Variants in TMEM39B observed in about 807,000 individuals in gnomAD.
The protein encoded by TMEM39B is transmembrane protein 39B.
TMEM39B carries 23 observed loss-of-function variants against 52.2 expected under a neutral mutation model. That is an observed-to-expected ratio of 0.44 (90% CI 0.32 to 0.62). The LOEUF (loss-of-function observed/expected upper bound fraction) is 0.62, where lower values mean the gene tolerates loss of function less well. Ranked by LOEUF, TMEM39B falls within the 20% of genes least tolerant of loss-of-function variation. The probability of loss-of-function intolerance (pLI) is 0.06; values close to 1 mark genes in which losing one functional copy is unlikely to be tolerated. For missense variants in TMEM39B, 547 were observed against 642.0 expected (o/e 0.85, Z 1.60); for synonymous variants, 285 against 264.0 (o/e 1.08, Z -0.77).
At chr1:32,079,862 C>T (rs569680743) in intron 5 of TMEM39B, among the ~76,000 whole-genome samples, 4 of 151,952 alleles carry the variant, frequency 2.6e-5, no homozygotes, top group African/African-American at 4.8e-5. Context: ...CTCCAACTCC[C>T]GGGTTCAAGC....
In TMEM39B at chr1:32,091,793, G is replaced by A. The variant is rs141157829; in HGVS notation, c.709G>A (p.Asp237Asn). ...GGTCAGTGGCCTGGCAAAGAGCCGG[G>A]ACTACCTCCTGACACTGCGGGAGAC... ...EAVSGLAKSRDYLLTLRETWK... is the reference protein window; with the variant it reads ...EAVSGLAKSRNYLLTLRETWK... Residue 237 changes from aspartate to asparagine, a missense_variant, in exon 6 of 9, where the codon GAC becomes AAC. Coordinates refer to ENST00000336294, the MANE Select transcript of TMEM39B (RefSeq NM_018056.4). The A allele has an allele frequency of 1.2e-6, 2 of 1,614,220 alleles. No homozygotes were observed. The highest frequency in any genetic ancestry group is 1.7e-6 in the Non-Finnish European group (2 of 1,180,046).
chr1:32,094,860 T>C lies in TMEM39B; in HGVS notation c.1004T>C (p.Met335Thr), dbSNP rs780508458. 21 of 1,614,204 alleles carry C rather than the reference T, an allele frequency of 1.3e-5. No individual in the cohort carries two copies. The highest frequency in any genetic ancestry group is 1.7e-5 in the Non-Finnish European group (20 of 1,180,034). The change falls in exon 7 of 9, where the codon ATG becomes ACG. Residue 335 changes from methionine (M) to threonine (T), a missense_variant. By Grantham distance (81) the Met-to-Thr change is moderately conservative (BLOSUM62 -1). Transcript: ENST00000336294. ...TCCATCAGCACCTCCGTGATCCTCA[T>C]GCAGCACCTGCTGCCTGCCAGCTAC... The part of the protein sequence containing the change: ...LVSISTSVIL[M>T]QHLLPASYCD...
intron 7 of TMEM39B, among the ~76,000 whole-genome samples, chr1:32,097,670 AGTCTCGCTCT>A (rs1338796687): frequency 1.3e-5 from 2 of 150,238 alleles, no homozygotes; most frequent in Non-Finnish European, 3.0e-5. Context: ...TTTGAGATGG[AGTCTCGCTCT>A]GTCGCCCAGG....
intron 8 of TMEM39B, among the ~76,000 whole-genome samples, chr1:32,102,106 T>G (rs144753874): frequency 2.0e-5 from 3 of 152,300 alleles, no homozygotes; most frequent in African/African-American, 7.2e-5. Flanking sequence ...AAAAAAAATT[T>G]TTTTAAAGGT....
chr1:32,075,504 GC>G lies in TMEM39B; in HGVS notation c.132-98del. The G allele has an allele frequency of 3.2e-6, 4 of 1,269,658 alleles. No homozygotes were observed. In the South Asian group the frequency reaches 5.8e-5, roughly 18 times the overall value. 78.6% of individuals were successfully genotyped at this position (1,269,658 alleles called of 1,614,324 possible). ...TAGGAAGACCCCGTCCTTGCTATGAGCTGCTTTTCTGATCTTATCCCACAAT... is the reference window on the plus strand; with the variant it reads ...TAGGAAGACCCCGTCCTTGCTATGAGTGCTTTTCTGATCTTATCCCACAAT... On this transcript the variant is annotated intron_variant, in intron 2 of 8. Transcript: ENST00000336294.
At chr1:32,092,047 C>G (rs1421146832) in intron 6 of TMEM39B, 36 bp downstream of exon 6, 1 of 1,586,208 alleles carries the variant, frequency 6.3e-7, no homozygotes, top group South Asian at 1.1e-5. Flanking sequence ...AAGGGACTAG[C>G]TGGGACTTTA....
rs753871316 is a variant in TMEM39B at position 32,091,909 on chromosome 1, G to A, written c.825G>A (p.Val275=). 10 of 1,614,200 alleles carry A rather than the reference G, an allele frequency of 6.2e-6. No homozygotes were observed. The East Asian group carries it at 1.3e-4, about 22-fold the overall frequency. ...CACCCAGCCTCATCCGCAGTGAGGT[G>A]GAGTTCCTCAAGATGGACTTCAACT... The part of the protein sequence containing the change: ...CLSPSLIRSE[V]EFLKMDFNWR... Residue 275 remains valine, a synonymous_variant, in exon 6 of 9, where the codon GTG becomes GTA. Transcript: ENST00000336294.
In TMEM39B at chr1:32,077,230, C is replaced by T; in HGVS notation, c.502C>T (p.Leu168Phe). 1 of 1,614,174 alleles carries T rather than the reference C, an allele frequency of 6.2e-7. No homozygotes were observed. Among genetic ancestry groups the T allele is most frequent in the Non-Finnish European group, 8.5e-7 (1 of 1,180,044 alleles). Reference sequence around the variant, plus strand: ...GCTGTTCCTCACTCGCTTCACCGTTCTCACGGCAACAGGCTGGAGTCTGTG... The same window carrying T: ...GCTGTTCCTCACTCGCTTCACCGTTTTCACGGCAACAGGCTGGAGTCTGTG... ...ILLFLTRFTVLTATGWSLCRS... is the reference protein window; with the variant it reads ...ILLFLTRFTVFTATGWSLCRS... Residue 168 changes from leucine (L) to phenylalanine (F), a missense_variant, in exon 5 of 9, where the codon CTC becomes TTC. Leu to Phe is a conservative substitution (Grantham distance 22, BLOSUM62 0). Transcript: ENST00000336294.
At position 32,091,959 on chromosome 1, in the gene TMEM39B, G is replaced by C. The variant is rs1413405739; in HGVS notation, c.875G>C (p.Ser292Thr). 7 of 1,614,210 alleles carry C rather than the reference G, an allele frequency of 4.3e-6. No individual in the cohort carries two copies. The highest frequency in any genetic ancestry group is 1.7e-5 in the Admixed American group (1 of 60,030). Residue 292 changes from serine (S) to threonine (T), a missense_variant, in exon 6 of 9, where the codon AGC becomes ACC. Coordinates refer to ENST00000336294, the MANE Select transcript of TMEM39B (RefSeq NM_018056.4). ...FNWRMKEVLV[S>T]SMLSAYYVAF... ...TGGCGCATGAAGGAAGTGCTCGTCAGCTCCATGCTGAGCGCCTACTATGTG... is the reference window on the plus strand; with the variant it reads ...TGGCGCATGAAGGAAGTGCTCGTCACCTCCATGCTGAGCGCCTACTATGTG...
intron 5 of TMEM39B, among the ~76,000 whole-genome samples, chr1:32,082,875 C>T (rs561304874): frequency 6.0e-5 from 9 of 151,012 alleles, no homozygotes; most frequent in African/African-American, 2.2e-4. Flanking sequence ...CCTGGGTTCA[C>T]GCCATTCTCC....
At chr1:32,075,865 C>CGT (rs1324202548) in intron 3 of TMEM39B, 43 bp downstream of exon 3, 34 of 828,232 alleles carry the variant, frequency 4.1e-5, no homozygotes, top group East Asian at 4.5e-5. Context: ...TGTGTGTGTG[C>CGT]GTGTGTGTGT....
At chr1:32,092,593 C>T (rs931205000) in intron 6 of TMEM39B, among the ~76,000 whole-genome samples, 11 of 152,174 alleles carry the variant, frequency 7.2e-5, no homozygotes, top group African/African-American at 2.7e-4. Context: ...CAGGTTCAAG[C>T]AGTTCTCCTG....
At chr1:32,073,413 A>T in intron 1 of TMEM39B, 9 of 366,972 alleles carry the variant, frequency 2.5e-5, no homozygotes, top group Admixed American at 7.2e-5. Context: ...TCTGGGTTGG[A>T]GGGGTTACAC....
chr1:32,082,279 T>C (rs761961275), intron 5 of TMEM39B, among the ~76,000 whole-genome samples: 1 of 152,118 alleles, frequency 6.6e-6, no homozygotes, highest in African/African-American at 2.4e-5. Flanking sequence ...GTAACCACAT[T>C]TAAGCCTTCC....
At chr1:32,089,890 A>T (rs538878581) in intron 5 of TMEM39B, among the ~76,000 whole-genome samples, 2 of 151,788 alleles carry the variant, frequency 1.3e-5, no homozygotes, top group Admixed American at 1.3e-4. Flanking sequence ...TTAGCTGGGC[A>T]TGATGGCGGG....
At position 32,094,150 on chromosome 1, in the gene TMEM39B, G is replaced by A. The variant is rs1297465812; in HGVS notation, c.928-634G>A. 1.5e-4 allele frequency among the ~76,000 whole-genome samples: 11 copies of A among 75,650 alleles called. No individual in the cohort carries two copies. The East Asian group carries it at 2.4e-3, about 16-fold the overall frequency. 49.6% of individuals were successfully genotyped at this position (75,650 alleles called of 152,430 possible). On this transcript the variant is annotated intron_variant, in intron 6 of 8. Transcript: ENST00000336294. ...TTTTTTTTTTTTTTTTTTTTGAGGCGGAGTCTTGCTCTGTTGCCCAGGCTG... is the reference window on the plus strand; with the variant it reads ...TTTTTTTTTTTTTTTTTTTTGAGGCAGAGTCTTGCTCTGTTGCCCAGGCTG...
chr1:32,100,030 A>G (rs566981506), intron 7 of TMEM39B, among the ~76,000 whole-genome samples: 2 of 152,048 alleles, frequency 1.3e-5, no homozygotes, highest in South Asian at 4.2e-4. Context: ...CTGGGCGACA[A>G]GATCGAAACT....
In TMEM39B at chr1:32,087,395, G is replaced by A. The variant is rs1243336878; in HGVS notation, c.591-4280G>A. 7 of 150,084 alleles carry A rather than the reference G, an allele frequency of 4.7e-5. No individual in the cohort carries two copies. In the South Asian group the frequency reaches 8.5e-4, roughly 18 times the overall value. The allele number at this position is 150,084 out of a possible 1,614,324, so 9.3% of individuals were successfully genotyped here. ...TCCCAGCACTTTGGGAGGCCAAAGC[G>A]AGCGGATCACCTGAGGTCAGGAGTT... is the stretch of plus-strand genomic sequence containing the variant. On this transcript the variant is annotated intron_variant, in intron 5 of 8. Coordinates refer to ENST00000336294, the MANE Select transcript of TMEM39B (RefSeq NM_018056.4).
At chr1:32,073,282 C>A (rs925130581) in intron 1 of TMEM39B, 5 of 528,188 alleles carry the variant, frequency 9.5e-6, no homozygotes, top group Non-Finnish European at 1.5e-5. Flanking sequence ...CCTGTGGGGG[C>A]TTGGGCTTTC....
Sources: allele counts gnomAD v4.1 joint callset (sites outside exome capture counted in the v4.1 genomes callset), GRCh38; gene constraint gnomAD v4.1.1; transcripts MANE v1.5; gene names NCBI Gene and HGNC (gene_info 2026-07-23, HGNC 2026-07-21).